The following MYBPC1 variants were observed in gnomAD, a reference collection of about 807,000 sequenced individuals.
MYBPC1 encodes myosin-binding protein C, slow-type.
Under a neutral mutation model 147.1 loss-of-function variants are expected in MYBPC1, and 52 were observed. The observed-to-expected ratio is 0.35, with a 90% CI of 0.28 to 0.45. The LOEUF (loss-of-function observed/expected upper bound fraction) is 0.45. Ranked by LOEUF, MYBPC1 falls within the 20% of genes least tolerant of loss-of-function variation. The probability of loss-of-function intolerance (pLI) is 1.00; values close to 1 mark genes in which losing one functional copy is unlikely to be tolerated. For synonymous variants in MYBPC1, 477 were observed against 475.9 expected, an observed-to-expected ratio of 1.00 and a Z score of -0.03; for missense variants, 1,228 against 1,440.3, an observed-to-expected ratio of 0.85 and a Z score of 2.39.
chr12:101,684,322 T>C, intron 30 of MYBPC1, 60 bp from the exon 31 acceptor site: 2 of 1,309,544 alleles, frequency 1.5e-6, no homozygotes, highest in South Asian at 1.2e-5. Context: ...TCAAGTTTGG[T>C]GTTAGCACTT....
At chr12:101,599,765 C>A (rs1879082389) in intron 1 of MYBPC1, among the ~76,000 whole-genome samples, 1 of 152,176 alleles carries the variant, frequency 6.6e-6, no homozygotes, top group Admixed American at 6.5e-5. Flanking sequence ...CGAGGCCAAG[C>A]TGATGATTTC....
At position 101,595,058 on chromosome 12, in the gene MYBPC1, T is replaced by C. The variant is rs368264809; in HGVS notation, c.-13T>C. On this transcript the variant is annotated 5_prime_UTR_variant, in exon 1 of 32. Transcript: ENST00000361466. ...GAAGGAGACTCTTTAAAGAATAACA[T>C]CTTATTGTGGCCATGCCAGAACCCA... The C allele has an allele frequency of 1.3e-4, 202 of 1,612,902 alleles. No homozygotes were observed. In the African/African-American group the frequency reaches 2.5e-3, roughly 20 times the overall value.
At chr12:101,633,990 G>A (rs1337262165) in intron 8 of MYBPC1, among the ~76,000 whole-genome samples, 1 of 151,300 alleles carries the variant, frequency 6.6e-6, no homozygotes, top group Non-Finnish European at 1.5e-5. Context: ...TCCGCCTCCC[G>A]GGTTCACGCC....
intron 18 of MYBPC1, among the ~76,000 whole-genome samples, chr12:101,654,404 G>A (rs1895150229): frequency 1.3e-5 from 2 of 152,082 alleles, no homozygotes; most frequent in South Asian, 4.1e-4. Flanking sequence ...TATGAAATAT[G>A]ATAAACAAAT....
intron 3 of MYBPC1, among the ~76,000 whole-genome samples, chr12:101,624,589 G>A (rs1888123010): frequency 6.7e-6 from 1 of 148,590 alleles, no homozygotes; most frequent in Admixed American, 6.7e-5. Flanking sequence ...CTGGACTCAA[G>A]TAACTCTCTA....
rs754750869 is a variant in MYBPC1, at chr12:101,684,410, A to G, written c.*5A>G. ...TTGCACAATAAGGATTTTTGAATGT[A>G]TAATATCATCTAAGGTAAGCTTTCA... On this transcript the variant is annotated 3_prime_UTR_variant, in exon 31 of 32. Coordinates refer to ENST00000361466, the MANE Select transcript of MYBPC1 (RefSeq NM_002465.4). The G allele has an allele frequency of 4.4e-6, 7 of 1,587,616 alleles. No homozygotes were observed. The highest frequency in any genetic ancestry group is 6.0e-6 in the Non-Finnish European group (7 of 1,163,768).
chr12:101,672,893 G>GAAA, intron 24 of MYBPC1, among the ~76,000 whole-genome samples: 1 of 152,088 alleles, frequency 6.6e-6, no homozygotes, highest in Non-Finnish European at 1.5e-5. Context: ...TTATGTATTG[G>GAAA]GCAGAAGCTT....
intron 1 of MYBPC1, among the ~76,000 whole-genome samples, chr12:101,613,243 A>T (rs1306310761): frequency 2.0e-5 from 3 of 152,136 alleles, no homozygotes; most frequent in African/African-American, 7.2e-5. Flanking sequence ...TTCTATGCTC[A>T]TTCCAGCCTT....
chr12:101,687,992 A>C (rs2136980831), downstream of MYBPC1, among the ~76,000 whole-genome samples: 1 of 152,350 alleles, frequency 6.6e-6, no homozygotes, highest in Non-Finnish European at 1.5e-5. Context: ...CTATTGTGAA[A>C]CTGCAAAGAG....
chr12:101,651,411 C>T lies in MYBPC1; in HGVS notation c.1526+18C>T, dbSNP rs746485178. ...AAGGGAAGGTAAGCGAGCCAGGTGA[C>T]CCGCAAGTGAGGTTTGGTCCCATTT... On this transcript the variant is annotated intron_variant, in intron 16 of 31. Coordinates refer to ENST00000361466, the MANE Select transcript of MYBPC1 (RefSeq NM_002465.4). 3.1e-6 allele frequency: 5 copies of T among 1,613,652 alleles called. No individual in the cohort carries two copies. The African/African-American group carries it at 6.7e-5, about 22-fold the overall frequency.
intron 1 of MYBPC1, among the ~76,000 whole-genome samples, chr12:101,597,987 G>A (rs1276909177): frequency 2.0e-5 from 3 of 150,778 alleles, no homozygotes; most frequent in Admixed American, 6.6e-5. Context: ...AATTGCCCCC[G>A]GTTCCTACTG....
intron 2 of MYBPC1, 41 bp from the exon 3 acceptor site, chr12:101,617,161 T>C: frequency 6.2e-7 from 1 of 1,607,810 alleles, no homozygotes; most frequent in Non-Finnish European, 8.5e-7. Context: ...AATAAAATGC[T>C]TTAAGGCACT....
chr12:101,652,527 T>C, intron 16 of MYBPC1, 151 bp from the exon 17 acceptor site: 1 of 265,664 alleles, frequency 3.8e-6, no homozygotes, highest in Non-Finnish European at 6.8e-6. Context: ...CTTCTCATCC[T>C]CTCTCTCTCT....
At chr12:101,632,724 A>C (rs554817354) in intron 8 of MYBPC1, among the ~76,000 whole-genome samples, 260 of 152,316 alleles carry the variant, frequency 1.7e-3, no homozygotes, top group African/African-American at 6.0e-3. Flanking sequence ...AAGACAAAAA[A>C]GTGAATGTAA....
intron 29 of MYBPC1, among the ~76,000 whole-genome samples, 162 bp downstream of exon 29, chr12:101,680,691 G>T (rs1160105006): frequency 6.6e-6 from 1 of 152,230 alleles, no homozygotes; most frequent in Non-Finnish European, 1.5e-5. Flanking sequence ...AATTAAGGGA[G>T]AGAAGACATT....
chr12:101,603,294 A>C (rs1220636979), intron 1 of MYBPC1, among the ~76,000 whole-genome samples: 1 of 151,958 alleles, frequency 6.6e-6, no homozygotes, highest in Non-Finnish European at 1.5e-5. Context: ...GTGGTGAGCC[A>C]AGATCGCGCC....
chr12:101,607,114 C>T (rs571009794), intron 1 of MYBPC1, among the ~76,000 whole-genome samples: 1 of 152,266 alleles, frequency 6.6e-6, no homozygotes, highest in African/African-American at 2.4e-5. Context: ...AGCCACTGCG[C>T]CCGGCCATGG....
chr12:101,608,721 G>T (rs991333186), intron 1 of MYBPC1, among the ~76,000 whole-genome samples: 1 of 152,162 alleles, frequency 6.6e-6, no homozygotes, highest in African/African-American at 2.4e-5. Flanking sequence ...TTTTAAAAGC[G>T]GGGGATTCCT....
At chr12:101,599,828 G>A (rs551522445) in intron 1 of MYBPC1, among the ~76,000 whole-genome samples, 1 of 152,136 alleles carries the variant, frequency 6.6e-6, no homozygotes, top group Non-Finnish European at 1.5e-5. Context: ...TTTTCCTCCT[G>A]AGAAAAACCA....
Sources: gnomAD v4.1 joint callset for allele counts (sites outside exome capture counted in the v4.1 genomes callset) on GRCh38, gnomAD v4.1.1 for gene constraint, MANE v1.5 for transcripts, NCBI Gene and HGNC (gene_info 2026-07-23, HGNC 2026-07-21) for gene names.